ARHGEF18: variants seen among roughly 807,000 people sequenced by gnomAD.
ARHGEF18 encodes rho guanine nucleotide exchange factor 18.
A neutral mutation model predicts 155.7 loss-of-function variants in ARHGEF18; 93 were observed. That is an observed-to-expected ratio of 0.60 (90% CI 0.50 to 0.71). The LOEUF (loss-of-function observed/expected upper bound fraction) is 0.71. Among genes scored for constraint, ARHGEF18 ranks in the 30% least tolerant of loss-of-function variants. ARHGEF18 has a pLI of 0.00. For missense variants in ARHGEF18, 1,593 were observed against 1,816.1 expected (o/e 0.88, Z 2.23); for synonymous variants, 742 against 753.1 (o/e 0.99, Z 0.24).
rs568123062 is a variant in ARHGEF18, at chr19:7,446,241, T to C, written c.1612-802T>C. The stretch of plus-strand genomic sequence containing the variant: ...TGGTCAGGTTAGCCAGGTGTGGTGG[T>C]GGCACCTGTAATCCCAGCTACTCAG... On this transcript the variant is annotated intron_variant, in intron 14 of 28. Transcript: ENST00000668164. 1.2e-3 allele frequency among the ~76,000 whole-genome samples: 182 copies of C among 150,956 alleles called. 1 individual carries two copies. Among genetic ancestry groups the C allele is most frequent in the African/African-American group, 4.3e-3 (178 of 41,156 alleles).
At chr19:7,373,190 C>G (rs116353179) in intron 3 of ARHGEF18, 119 bp downstream of exon 3, 18 of 1,181,646 alleles carry the variant, frequency 1.5e-5, no homozygotes, top group Non-Finnish European at 1.7e-5. Context: ...GGTCCCCAAC[C>G]TTTTTGGTAC....
At chr19:7,453,811 A>G in intron 17 of ARHGEF18, 96 bp downstream of exon 17, 3 of 1,416,764 alleles carry the variant, frequency 2.1e-6, no homozygotes, top group Non-Finnish European at 2.8e-6. Context: ...TAGTGGCACC[A>G]TCTTGTATCA....
At chr19:7,390,176 C>T (rs1971317661) in intron 10 of ARHGEF18, among the ~76,000 whole-genome samples, 1 of 152,056 alleles carries the variant, frequency 6.6e-6, no homozygotes, top group African/African-American at 2.4e-5. Flanking sequence ...GCCTGTGCCA[C>T]AGAGCAAGAC....
At chr19:7,402,630 G>A (rs1972075793) in intron 10 of ARHGEF18, among the ~76,000 whole-genome samples, 1 of 152,152 alleles carries the variant, frequency 6.6e-6, no homozygotes, top group South Asian at 2.1e-4. Flanking sequence ...GGAATGGTTT[G>A]AGACTGAGTG....
intron 14 of ARHGEF18, among the ~76,000 whole-genome samples, chr19:7,446,709 C>G (rs1975012911): frequency 6.6e-6 from 1 of 150,926 alleles, no homozygotes; most frequent in Non-Finnish European, 1.5e-5. Flanking sequence ...CCACTGCACT[C>G]CAGCCTGGGC....
chr19:7,478,302 A>G, the ARHGEF18 span: 2 of 1,609,246 alleles, frequency 1.2e-6, no homozygotes, highest in Non-Finnish European at 1.7e-6. Flanking sequence ...CTGGGTGATC[A>G]CGGGCTCCTA....
At chr19:7,447,206 T>G in intron 15 of ARHGEF18, 38 bp downstream of exon 15, 1 of 1,552,934 alleles carries the variant, frequency 6.4e-7, no homozygotes, top group Non-Finnish European at 8.7e-7. Context: ...AAACTTATAT[T>G]CTGGCCGGGC....
At position 7,440,631 on chromosome 19, in the gene ARHGEF18, T is replaced by C; in HGVS notation, c.1106+149T>C. On this transcript the variant is annotated intron_variant, in intron 11 of 28. Coordinates refer to ENST00000668164, the MANE Select transcript of ARHGEF18 (RefSeq NM_001367823.1). This position sits in a 1 kb window ranked among gnomAD's most constrained non-coding sequence, Gnocchi z 5.4. Reference sequence around the variant, plus strand: ...TAAGCAGAGAAATTCCCATTAACGCTTGCTTCCAGGATCCACGCCTTTTTT... The same window carrying C: ...TAAGCAGAGAAATTCCCATTAACGCCTGCTTCCAGGATCCACGCCTTTTTT... 2 of 1,154,910 alleles carry C rather than the reference T, an allele frequency of 1.7e-6. No individual in the cohort carries two copies. The highest frequency in any genetic ancestry group is 3.2e-5 in the South Asian group (2 of 61,622). The allele number at this position is 1,154,910 out of a possible 1,614,324, so 71.5% of individuals were successfully genotyped here. A position where few individuals can be genotyped will look rare whatever the true frequency, so the allele number is the denominator to read the frequency against.
chr19:7,416,395 C>T (rs1370186847), intron 10 of ARHGEF18, among the ~76,000 whole-genome samples: 1 of 152,032 alleles, frequency 6.6e-6, no homozygotes, highest in Admixed American at 6.6e-5. Context: ...GCCTGGGCAG[C>T]AGAGACCTCA....
intron 1 of ARHGEF18, among the ~76,000 whole-genome samples, chr19:7,359,590 A>C (rs754372834): frequency 6.6e-6 from 1 of 152,060 alleles, no homozygotes; most frequent in Non-Finnish European, 1.5e-5. Flanking sequence ...ACCAGGATAA[A>C]GGCTTAGTCT....
At chr19:7,361,058 G>A (rs963919563) in intron 1 of ARHGEF18, among the ~76,000 whole-genome samples, 2 of 152,188 alleles carry the variant, frequency 1.3e-5, no homozygotes, top group African/African-American at 2.4e-5. Context: ...CCCATCCAAA[G>A]CTCTGCAAGA....
Position 7,448,753 on chromosome 19 carries a change from C to T in ARHGEF18, c.1737+1585C>T, listed in dbSNP as rs542652405. Among the ~76,000 whole-genome samples the T allele has an allele frequency of 6.6e-5, 10 of 152,174 alleles. No individual in the cohort carries two copies. The South Asian group carries it at 1.9e-3, about 28-fold the overall frequency. On this transcript the variant is annotated intron_variant, in intron 15 of 28. Coordinates refer to ENST00000668164, the MANE Select transcript of ARHGEF18 (RefSeq NM_001367823.1). Reference sequence around the variant, plus strand: ...CCCCCGGAGCGTGTAGAATGATCTTCCTGCCTCCTTTGTGTGAGCGTGGGT... The same window carrying T: ...CCCCCGGAGCGTGTAGAATGATCTTTCTGCCTCCTTTGTGTGAGCGTGGGT...
intron 10 of ARHGEF18, chr19:7,392,470 T>G (rs1600275466): frequency 1.4e-5 from 2 of 146,386 alleles, no homozygotes; most frequent in Admixed American, 6.8e-5. Context: ...GAGGCCAGGG[T>G]GGGAGGATCA....
the ARHGEF18 span, among the ~76,000 whole-genome samples, chr19:7,478,926 G>C: frequency 2.6e-5 from 4 of 152,146 alleles, no homozygotes; most frequent in African/African-American, 4.8e-5. Flanking sequence ...TACCCAGTGG[G>C]CAGCCTCTGT....
chr19:7,479,194 A>C, the ARHGEF18 span, among the ~76,000 whole-genome samples: 7 of 152,182 alleles, frequency 4.6e-5, no homozygotes, highest in African/African-American at 1.4e-4. Flanking sequence ...ACAGAATCAG[A>C]AGCTCTGGGC....
At position 7,467,062 on chromosome 19, in the gene ARHGEF18, T is replaced by C; in HGVS notation, c.2962-9T>C. 6 of 1,609,308 alleles carry C rather than the reference T, an allele frequency of 3.7e-6. No individual in the cohort carries two copies. Among genetic ancestry groups the C allele is most frequent in the Non-Finnish European group, 5.1e-6 (6 of 1,176,762 alleles). On this transcript the variant is annotated splice_polypyrimidine_tract_variant and intron_variant, in intron 24 of 28. Coordinates refer to ENST00000668164, the MANE Select transcript of ARHGEF18 (RefSeq NM_001367823.1). ...ATAACTAGCATCAATCTCCCTCTCC[T>C]CTCCGCAGCTTGTCCAGCGGATCCA...
chr19:7,454,639 G>A (rs1975712078), intron 17 of ARHGEF18, among the ~76,000 whole-genome samples: 1 of 152,174 alleles, frequency 6.6e-6, no homozygotes, highest in South Asian at 2.1e-4. Flanking sequence ...AGCTGAGTCA[G>A]GATGAGCAAG....
At chr19:7,384,390 T>C (rs1372729912) in intron 10 of ARHGEF18, among the ~76,000 whole-genome samples, 4 of 152,216 alleles carry the variant, frequency 2.6e-5, no homozygotes, top group Non-Finnish European at 4.4e-5. Context: ...AAACAGATCC[T>C]AGATGGGCTT....
intron 1 of ARHGEF18, among the ~76,000 whole-genome samples, chr19:7,351,462 T>C (rs1969154249): frequency 6.6e-6 from 1 of 151,506 alleles, no homozygotes; most frequent in Non-Finnish European, 1.5e-5. Flanking sequence ...TAGCTGGGAC[T>C]ACAGGCGCCC....
Sources: allele counts gnomAD v4.1 joint callset (sites outside exome capture counted in the v4.1 genomes callset), GRCh38; gene constraint gnomAD v4.1.1; non-coding constraint Gnocchi (gnomAD v3.1); transcripts MANE v1.5; gene names NCBI Gene and HGNC (gene_info 2026-07-23, HGNC 2026-07-21).